The following SENP7 variants were observed in gnomAD, a reference collection of about 807,000 sequenced individuals.
The protein encoded by SENP7 is sentrin-specific protease 7.
Under a neutral mutation model 141.2 loss-of-function variants are expected in SENP7, and 64 were observed. That is an observed-to-expected ratio of 0.45 (90% CI 0.37 to 0.56). The LOEUF is 0.56. SENP7 is among the 20% of genes least tolerant of loss of function. The pLI is 0.00. For missense variants in SENP7, 1,025 were observed against 1,212.2 expected (o/e 0.85, Z 2.29); for synonymous variants, 382 against 426.4 (o/e 0.90, Z 1.28).
At position 101,361,856 on chromosome 3, in the gene SENP7, T is replaced by C. The variant is rs1271778630; in HGVS notation, c.1482A>G (p.Ser494=). ...CAGGATTATATGGGCATAATTCAGA[T>C]GACATCTAACAAGGAATAAATCATA... ...PLITCESVQM[S]SELCPYNPVM... The change falls in exon 11 of 24, where the codon TCA becomes TCG. Residue 494 remains serine, a synonymous_variant. Transcript: ENST00000394095. 6.3e-7 allele frequency: 1 copy of C among 1,595,348 alleles called. No individual in the cohort carries two copies. The highest frequency in any genetic ancestry group is 1.2e-5 in the South Asian group (1 of 86,210).
chr3:101,357,507 C>T lies in SENP7; in HGVS notation c.1623+4208G>A, dbSNP rs1178545685. 8.6e-6 allele frequency: 12 copies of T among 1,403,316 alleles called. No individual in the cohort carries two copies. In the Admixed American group the frequency reaches 1.8e-4, roughly 21 times the overall value. The allele number at this position is 1,403,316 out of a possible 1,614,324, so 86.9% of individuals were successfully genotyped here. A position where few individuals can be genotyped will look rare whatever the true frequency, so the allele number is the denominator to read the frequency against. On this transcript the variant is annotated intron_variant, in intron 11 of 23. Transcript: ENST00000394095. ...TCTCATTTTGCCCAAGATCTTTGGC[C>T]AGAGCAGAGCATAAAAGATTCTTTC...
At chr3:101,341,852 TGTGA>T in intron 14 of SENP7, 73 bp from the exon 15 acceptor site, 1 of 1,418,800 alleles carries the variant, frequency 7.0e-7, no homozygotes, top group South Asian at 1.6e-5. Flanking sequence ...AACGTAGACG[TGTGA>T]GAGAAAATGT....
intron 3 of SENP7, among the ~76,000 whole-genome samples, chr3:101,489,362 T>C (rs1267392946): frequency 1.3e-5 from 2 of 151,932 alleles, no homozygotes; most frequent in Non-Finnish European, 2.9e-5. Context: ...AGACATGGAG[T>C]GTCAAGGTGG....
Position 101,393,864 on chromosome 3 carries a change from C to G in SENP7, c.677+4997G>C, listed in dbSNP as rs144238620. Among the ~76,000 whole-genome samples the G allele has an allele frequency of 3.9e-5, 6 of 152,246 alleles. No homozygotes were observed. The East Asian group carries it at 1.2e-3, about 29-fold the overall frequency. ...ACAGGTTTATAACAACTCATTCTCA[C>G]GGGTACATATGGTATTTGGTACATG... is the stretch of plus-strand genomic sequence containing the variant. On this transcript the variant is annotated intron_variant, in intron 6 of 23. Coordinates refer to ENST00000394095, the MANE Select transcript of SENP7 (RefSeq NM_020654.5).
In SENP7 at chr3:101,333,048, A is replaced by T. The variant is rs1196765158; in HGVS notation, c.2481-186T>A. On this transcript the variant is annotated intron_variant, in intron 17 of 23. Transcript: ENST00000394095. ...ACCCCTGGTTATTCTTAAATTTAAT[A>T]ACTATAAACAATAATGAAATGGACA... 3 of 548,544 alleles carry T rather than the reference A, an allele frequency of 5.5e-6. No individual in the cohort carries two copies. The Admixed American group carries it at 1.3e-4, about 23-fold the overall frequency. 34.0% of individuals were successfully genotyped at this position (548,544 alleles called of 1,614,324 possible). A position where few individuals can be genotyped will look rare whatever the true frequency, so the allele number is the denominator to read the frequency against.
intron 6 of SENP7, among the ~76,000 whole-genome samples, chr3:101,388,263 C>T (rs755916704): frequency 6.6e-6 from 1 of 152,166 alleles, no homozygotes; most frequent in Non-Finnish European, 1.5e-5. Flanking sequence ...TCCAGCCTGC[C>T]ACCACCACCA....
rs769315490 is a variant in SENP7 at position 101,418,282 on chromosome 3, C to A, written c.285-492G>T. 1.7e-4 allele frequency among the ~76,000 whole-genome samples: 26 copies of A among 150,720 alleles called. No individual in the cohort carries two copies. The Middle Eastern group carries it at 0.017, about 99-fold the overall frequency. On this transcript the variant is annotated intron_variant, in intron 4 of 23. Transcript: ENST00000394095. ...ATTTTATCTTATTTCTAAAATAGGT[C>A]AACTTAAAAAATTTACCTTACTGTA...
intron 4 of SENP7, among the ~76,000 whole-genome samples, chr3:101,425,715 T>C (rs1165194056): frequency 3.3e-5 from 5 of 152,154 alleles, no homozygotes; most frequent in Admixed American, 1.3e-4. Context: ...ATGAAAATCA[T>C]TGAGATGCAA....
chr3:101,455,879 C>T (rs1337076537), intron 4 of SENP7, among the ~76,000 whole-genome samples: 3 of 152,144 alleles, frequency 2.0e-5, no homozygotes, highest in Non-Finnish European at 4.4e-5. Context: ...TCCCATTTCA[C>T]CTACCTTTTA....
intron 6 of SENP7, among the ~76,000 whole-genome samples, chr3:101,394,498 TTA>T: frequency 6.6e-6 from 1 of 151,016 alleles, no homozygotes; most frequent in African/African-American, 2.4e-5. Context: ...GGTTCTATTT[TTA>T]TGTTTCTTTT....
chr3:101,328,664 G>A lies in SENP7; in HGVS notation c.2777C>T (p.Pro926Leu). ...SQSTESNMSV[P>L]KKMCKRPCIL... ...TACCTACCTTTTACACATTTTCTTT[G>A]GTACTGACATATTCGACTCGGTACT... is the stretch of plus-strand genomic sequence containing the variant. Residue 926 changes from proline to leucine, a missense_variant, in exon 21 of 24, where the codon CCA becomes CTA. Around this residue, in one of 4 missense-constraint regions of SENP7, gnomAD observed 295 missense variants for 459.1 expected, o/e 0.64. Transcript: ENST00000394095. 1 of 1,608,172 alleles carries A rather than the reference G, an allele frequency of 6.2e-7. No homozygotes were observed. Among genetic ancestry groups the A allele is most frequent in the Non-Finnish European group, 8.5e-7 (1 of 1,176,824 alleles).
intron 5 of SENP7, among the ~76,000 whole-genome samples, chr3:101,416,310 G>A (rs2061620067): frequency 6.6e-6 from 1 of 152,162 alleles, no homozygotes; most frequent in Non-Finnish European, 1.5e-5. Context: ...ATTCCTAGTG[G>A]TAAAACTATT....
chr3:101,456,233 A>G (rs1312556571), intron 4 of SENP7, among the ~76,000 whole-genome samples: 2 of 152,186 alleles, frequency 1.3e-5, no homozygotes, highest in African/African-American at 2.4e-5. Context: ...AAATCTGTCA[A>G]AAATCACATT....
At chr3:101,369,856 T>A (rs1208490764) in intron 7 of SENP7, among the ~76,000 whole-genome samples, 1 of 152,142 alleles carries the variant, frequency 6.6e-6, no homozygotes, top group Non-Finnish European at 1.5e-5. Flanking sequence ...TAATTCAACC[T>A]GCAAATATTA....
At chr3:101,499,567 G>C (rs1466984167) in intron 2 of SENP7, among the ~76,000 whole-genome samples, 1 of 129,142 alleles carries the variant, frequency 7.7e-6, no homozygotes, top group African/African-American at 3.0e-5. Context: ...ACAGAGTCTC[G>C]CTCTGTCGCC....
intron 12 of SENP7, among the ~76,000 whole-genome samples, chr3:101,349,182 G>A (rs1475498307): frequency 6.6e-6 from 1 of 152,060 alleles, no homozygotes; most frequent in Non-Finnish European, 1.5e-5. Context: ...ATGTTCCCAA[G>A]CCAGTCATTC....
At chr3:101,327,483 G>GT (rs975120154) in intron 23 of SENP7, among the ~76,000 whole-genome samples, 183 bp downstream of exon 23, 1 of 151,934 alleles carries the variant, frequency 6.6e-6, no homozygotes, top group Non-Finnish European at 1.5e-5. Context: ...CACCATGATC[G>GT]TAAGTTTCCT....
chr3:101,414,915 C>T (rs1325011989), intron 5 of SENP7, among the ~76,000 whole-genome samples: 1 of 152,186 alleles, frequency 6.6e-6, no homozygotes, highest in Non-Finnish European at 1.5e-5. Context: ...AGGATCTCCC[C>T]TGTAACAGGC....
chr3:101,510,364 G>C (rs563175778), intron 1 of SENP7, among the ~76,000 whole-genome samples: 2 of 152,096 alleles, frequency 1.3e-5, no homozygotes, highest in African/African-American at 2.4e-5. Context: ...AGTTTTGAGC[G>C]GTACACTGTG....
Sources: allele counts gnomAD v4.1 joint callset (sites outside exome capture counted in the v4.1 genomes callset), GRCh38; gene constraint gnomAD v4.1.1; regional missense constraint gnomAD v4.1.1; transcripts MANE v1.5; gene names NCBI Gene and HGNC (gene_info 2026-07-23, HGNC 2026-07-21).